Variants in RFX2 observed in about 807,000 individuals in gnomAD.
The protein encoded by RFX2 is DNA-binding protein RFX2.
RFX2 carries 20 observed loss-of-function variants against 87.8 expected under a neutral mutation model. The observed-to-expected ratio is 0.23, with a 90% CI of 0.16 to 0.33. RFX2 has a LOEUF of 0.33. RFX2 is among the 10% of genes least tolerant of loss of function. The pLI is 1.00. For synonymous variants in RFX2, 397 were observed against 431.3 expected, an observed-to-expected ratio of 0.92 and a Z score of 0.98; for missense variants, 767 against 1,012.3, an observed-to-expected ratio of 0.76 and a Z score of 3.29.
intron 1 of RFX2, among the ~76,000 whole-genome samples, chr19:6,093,623 C>T (rs2087977544): frequency 6.6e-6 from 1 of 151,326 alleles, no homozygotes; most frequent in Non-Finnish European, 1.5e-5. Flanking sequence ...GAATGAAGCA[C>T]AAACACAGTA....
At chr19:6,025,664 G>C (rs1233863231) in intron 6 of RFX2, among the ~76,000 whole-genome samples, 2 of 151,874 alleles carry the variant, frequency 1.3e-5, no homozygotes, top group African/African-American at 4.8e-5. Context: ...TAAAGAATCT[G>C]TCTTGATTTC....
rs937998352 is a variant in RFX2 at position 6,026,423 on chromosome 19, C to T, written c.523-186G>A. The T allele has an allele frequency of 8.2e-6, 5 of 606,892 alleles. No individual in the cohort carries two copies. The highest frequency in any genetic ancestry group is 2.9e-5 in the Admixed American group (1 of 34,072). 37.6% of individuals were successfully genotyped at this position (606,892 alleles called of 1,614,324 possible). ...TGAGTTAAATTGTGCATGAAAGCTG[C>T]GGTAGGGAGTGTTGCTTCGCACACG... On this transcript the variant is annotated intron_variant, in intron 5 of 17. Coordinates refer to ENST00000303657, the MANE Select transcript of RFX2 (RefSeq NM_000635.4). The surrounding 1 kb of genome is among the most constrained non-coding windows in gnomAD (Gnocchi z 4.5).
In RFX2 at chr19:6,044,189, T is replaced by TTACCTGCTGGGG. The variant is rs2087153120; in HGVS notation, c.172_180+3dup. On this transcript the variant is annotated splice_donor_region_variant and intron_variant, in intron 3 of 17. Coordinates refer to ENST00000303657, the MANE Select transcript of RFX2 (RefSeq NM_000635.4). This position sits in a 1 kb window ranked among gnomAD's most constrained non-coding sequence, Gnocchi z 5.3. ...TTGCACGGTGCTGCGGTGCTTGTCA[T>TTACCTGCTGGGG]TACCTGCTGGGGTACCTGCTGAACT... is the stretch of plus-strand genomic sequence containing the variant. 1 of 1,545,250 alleles carries TTACCTGCTGGGG rather than the reference T, an allele frequency of 6.5e-7. No homozygotes were observed.
Position 6,031,423 on chromosome 19 carries a change from C to CTTTTTT in RFX2, c.523-5192_523-5187dup, listed in dbSNP as rs58834364. 1.3e-3 allele frequency among the ~76,000 whole-genome samples: 115 copies of CTTTTTT among 90,214 alleles called. 2 individuals carry two copies. Among genetic ancestry groups the CTTTTTT allele is most frequent in the Middle Eastern group, 0.01 (1 of 96 alleles). 59.2% of individuals were successfully genotyped at this position (90,214 alleles called of 152,430 possible). On this transcript the variant is annotated intron_variant, in intron 5 of 17. Transcript: ENST00000303657. Reference sequence around the variant, plus strand: ...TATTTCCTTTCTTTCTTCTCCTTCCCTTTTTTTTTTTTTTTTTTTTTTTTG... The same window carrying CTTTTTT: ...TATTTCCTTTCTTTCTTCTCCTTCCCTTTTTTTTTTTTTTTTTTTTTTTTTTTTTTG...
In RFX2 at chr19:5,994,651, T is replaced by A; in HGVS notation, c.*184A>T. ...GCTACAGCCAGTGGGAGCCCTGGCC[T>A]GGGCTTCTGTAGCTTCAACAACTGC... is the stretch of plus-strand genomic sequence containing the variant. On this transcript the variant is annotated 3_prime_UTR_variant, in exon 18 of 18. Coordinates refer to ENST00000303657, the MANE Select transcript of RFX2 (RefSeq NM_000635.4). The A allele has an allele frequency of 1.7e-6, 1 of 590,376 alleles. No individual in the cohort carries two copies. The highest frequency in any genetic ancestry group is 3.0e-6 in the Non-Finnish European group (1 of 330,182). The allele number at this position is 590,376 out of a possible 1,614,324, so 36.6% of individuals were successfully genotyped here.
chr19:6,009,989 G>T (rs1347879948), intron 9 of RFX2, 147 bp downstream of exon 9: 3 of 501,078 alleles, frequency 6.0e-6, no homozygotes, highest in African/African-American at 3.8e-5. Context: ...AAGGTTTATC[G>T]AAAACTTTCT....
rs763096979 is a variant in RFX2 at position 5,998,018 on chromosome 19, C to A, written c.1860-805G>T. On this transcript the variant is annotated intron_variant, in intron 15 of 17. Coordinates refer to ENST00000303657, the MANE Select transcript of RFX2 (RefSeq NM_000635.4). This position sits in a 1 kb window ranked among gnomAD's most constrained non-coding sequence, Gnocchi z 4.2. Reference sequence around the variant, plus strand: ...CCTGACCTAAAGGATCAGTATAAGACCAAAGGGGGCTAGGCACGGTCGCTC... The same window carrying A: ...CCTGACCTAAAGGATCAGTATAAGAACAAAGGGGGCTAGGCACGGTCGCTC... Among the ~76,000 whole-genome samples, 9 of 151,944 alleles carry A rather than the reference C, an allele frequency of 5.9e-5. No individual in the cohort carries two copies. Among genetic ancestry groups the A allele is most frequent in the Non-Finnish European group, 1.3e-4 (9 of 67,980 alleles).
intron 1 of RFX2, among the ~76,000 whole-genome samples, chr19:6,109,134 G>A (rs2088267469): frequency 6.6e-6 from 1 of 151,794 alleles, no homozygotes; most frequent in African/African-American, 2.4e-5. Flanking sequence ...GAAAATGCCT[G>A]GAGCAGTTTA....
At chr19:6,089,675 G>C (rs2087906150) in intron 1 of RFX2, among the ~76,000 whole-genome samples, 1 of 152,196 alleles carries the variant, frequency 6.6e-6, no homozygotes, top group Non-Finnish European at 1.5e-5. Context: ...CCCAGACACT[G>C]AATCTGCCAG....
At position 5,997,688 on chromosome 19, in the gene RFX2, C is replaced by T. The variant is rs555506876; in HGVS notation, c.1860-475G>A. ...CCATTCCTCAGCCTGTGGTTTCAGG[C>T]ACCTAAAAACAAGACAAAAAGCCAG... On this transcript the variant is annotated intron_variant, in intron 15 of 17. Transcript: ENST00000303657. The surrounding 1 kb of genome is among the most constrained non-coding windows in gnomAD (Gnocchi z 4.2). Among the ~76,000 whole-genome samples the T allele has an allele frequency of 6.6e-6, 1 of 152,276 alleles. No individual in the cohort carries two copies. Among genetic ancestry groups the T allele is most frequent in the Admixed American group, 6.5e-5 (1 of 15,298 alleles).
In RFX2 at chr19:6,002,143, C is replaced by T. The variant is rs1255132179; in HGVS notation, c.1651-120G>A. 1.8e-5 allele frequency: 15 copies of T among 850,814 alleles called. No homozygotes were observed. Among genetic ancestry groups the T allele is most frequent in the Non-Finnish European group, 2.4e-5 (14 of 575,200 alleles). The allele number at this position is 850,814 out of a possible 1,614,324, so 52.7% of individuals were successfully genotyped here. On this transcript the variant is annotated intron_variant, in intron 14 of 17. Transcript: ENST00000303657. This position sits in a 1 kb window ranked among gnomAD's most constrained non-coding sequence, Gnocchi z 6.7. ...TGTGCTTGAGCCTTCTCGCCCTTGA[C>T]CTTGACAGCTGCAAGCCAAGTCCTG...
Position 6,083,698 on chromosome 19 carries a change from A to G in RFX2, c.-9+26695T>C, listed in dbSNP as rs2087817149. The stretch of plus-strand genomic sequence containing the variant: ...AGTGATCCTCCTGCTCAGCTTCCCC[A>G]GAAGCTGAGACCACAGGTATGTGCC... On this transcript the variant is annotated intron_variant, in intron 1 of 17. Coordinates refer to ENST00000303657, the MANE Select transcript of RFX2 (RefSeq NM_000635.4). The surrounding 1 kb of genome is among the most constrained non-coding windows in gnomAD (Gnocchi z 4.6). Among the ~76,000 whole-genome samples, 1 of 151,904 alleles carries G rather than the reference A, an allele frequency of 6.6e-6. No homozygotes were observed. Among genetic ancestry groups the G allele is most frequent in the Non-Finnish European group, 1.5e-5 (1 of 67,964 alleles).
rs1303574757 is a variant in RFX2 at position 6,002,588 on chromosome 19, C to G, written c.1650+133G>C. The G allele has an allele frequency of 1.5e-5, 16 of 1,101,136 alleles. No individual in the cohort carries two copies. The highest frequency in any genetic ancestry group is 2.1e-5 in the Admixed American group (1 of 46,598). 68.2% of individuals were successfully genotyped at this position (1,101,136 alleles called of 1,614,324 possible). ...TGTGGGTGGGCTTTGGCCTGGGACCCGTGTCATGCAACAGAACCGTGGCCA... is the reference window on the plus strand; with the variant it reads ...TGTGGGTGGGCTTTGGCCTGGGACCGGTGTCATGCAACAGAACCGTGGCCA... On this transcript the variant is annotated intron_variant, in intron 14 of 17. Coordinates refer to ENST00000303657, the MANE Select transcript of RFX2 (RefSeq NM_000635.4). This position sits in a 1 kb window ranked among gnomAD's most constrained non-coding sequence, Gnocchi z 6.7.
At chr19:6,062,946 C>T (rs760451780) in intron 1 of RFX2, among the ~76,000 whole-genome samples, 21 of 152,170 alleles carry the variant, frequency 1.4e-4, no homozygotes, top group Non-Finnish European at 2.2e-4. Flanking sequence ...TATTCAATAT[C>T]TGCTCGTCCT....
rs2087474387 is a variant in RFX2 at position 6,063,877 on chromosome 19, T to A, written c.-8-16373A>T. Among the ~76,000 whole-genome samples the A allele has an allele frequency of 6.6e-6, 1 of 152,176 alleles. No homozygotes were observed. The stretch of plus-strand genomic sequence containing the variant: ...TCTCCAGACATCGCCCAGTGTCCCC[T>A]GGGGGCAGGACCACCCCCATGGAGA... On this transcript the variant is annotated intron_variant, in intron 1 of 17. Transcript: ENST00000303657. This position sits in a 1 kb window ranked among gnomAD's most constrained non-coding sequence, Gnocchi z 4.0.
intron 16 of RFX2, among the ~76,000 whole-genome samples, chr19:5,996,353 G>A (rs185530559): frequency 4.7e-4 from 21 of 44,384 alleles, no homozygotes; most frequent in East Asian, 4.0e-3. Flanking sequence ...AGCACAGCGC[G>A]GCCAGCCACG....
intron 1 of RFX2, among the ~76,000 whole-genome samples, chr19:6,091,473 A>C (rs2087934543): frequency 6.6e-6 from 1 of 151,910 alleles, no homozygotes; most frequent in East Asian, 1.9e-4. Flanking sequence ...GGTGAATTGT[A>C]TGTGAATTTT....
Position 6,072,820 on chromosome 19 carries a change from A to G in RFX2, c.-8-25316T>C, listed in dbSNP as rs2087628342. ...AGGTGGCAGCTGTCTCCTCCTCAGCATCATGGCCGCCCTCAGACCCCTCGT... is the reference window on the plus strand; with the variant it reads ...AGGTGGCAGCTGTCTCCTCCTCAGCGTCATGGCCGCCCTCAGACCCCTCGT... On this transcript the variant is annotated intron_variant, in intron 1 of 17. Coordinates refer to ENST00000303657, the MANE Select transcript of RFX2 (RefSeq NM_000635.4). The G allele has an allele frequency of 6.5e-5, 80 of 1,231,834 alleles. 1 individual carries two copies. In the South Asian group the frequency reaches 8.8e-4, roughly 14 times the overall value. The allele number at this position is 1,231,834 out of a possible 1,614,324, so 76.3% of individuals were successfully genotyped here.
chr19:6,033,164 C>T (rs1276868813), intron 5 of RFX2, among the ~76,000 whole-genome samples: 5 of 152,222 alleles, frequency 3.3e-5, no homozygotes, highest in Non-Finnish European at 5.9e-5. Flanking sequence ...TACAGAGCCA[C>T]TGCGCACTCT....
Sources: allele counts gnomAD v4.1 joint callset (sites outside exome capture counted in the v4.1 genomes callset), GRCh38; gene constraint gnomAD v4.1.1; non-coding constraint Gnocchi (gnomAD v3.1); transcripts MANE v1.5; gene names NCBI Gene and HGNC (gene_info 2026-07-23, HGNC 2026-07-21).